The following DRC7 variants were observed in gnomAD, a reference collection of about 807,000 sequenced individuals.
DRC7 encodes the protein coiled-coil domain containing 135.
In DRC7, 80 loss-of-function variants were observed where a neutral mutation model predicts 104.4. The observed-to-expected ratio is 0.77, with a 90% CI of 0.64 to 0.92. The LOEUF (loss-of-function observed/expected upper bound fraction) is 0.92, where lower values mean the gene tolerates loss of function less well. Among genes scored for constraint, DRC7 ranks in the 40% least tolerant of loss-of-function variants. The pLI, the probability that DRC7 is intolerant of heterozygous loss-of-function variation, is 0.00. For missense variants in DRC7, 1,034 were observed against 1,141.1 expected, an observed-to-expected ratio of 0.91 and a Z score of 1.35; for synonymous variants, 405 against 447.3, an observed-to-expected ratio of 0.91 and a Z score of 1.19.
intron 8 of DRC7, among the ~76,000 whole-genome samples, chr16:57,709,900 C>T (rs2048775746): frequency 1.3e-5 from 2 of 152,106 alleles, no homozygotes; most frequent in South Asian, 2.1e-4. Context: ...GTAGCTGGGA[C>T]TACAGACTGC....
At chr16:57,718,961 C>A (rs1381392764) in intron 9 of DRC7, among the ~76,000 whole-genome samples, 1 of 151,862 alleles carries the variant, frequency 6.6e-6, no homozygotes, top group Non-Finnish European at 1.5e-5. Context: ...TGCATTCCAG[C>A]CTGCGCAACC....
chr16:57,718,313 G>A (rs778718750), intron 8 of DRC7, 34 bp from the exon 9 acceptor site: 1 of 1,609,544 alleles, frequency 6.2e-7, no homozygotes, highest in Non-Finnish European at 8.5e-7. Flanking sequence ...GTGGCTGTGG[G>A]GTACACTCAG....
At position 57,731,538 on chromosome 16, in the gene DRC7, C is replaced by A; in HGVS notation, c.*280C>A. ...TAGCCTGGGACCACCCCCTTCCTCC[C>A]CTTGGCCTGTCGTTTGCTTCCTGTC... On this transcript the variant is annotated 3_prime_UTR_variant, in exon 19 of 19. Transcript: ENST00000360716. The A allele has an allele frequency of 2.1e-6, 1 of 479,124 alleles. No individual in the cohort carries two copies. The highest frequency in any genetic ancestry group is 3.8e-6 in the Non-Finnish European group (1 of 265,686). The allele number at this position is 479,124 out of a possible 1,614,324, so 29.7% of individuals were successfully genotyped here.
At chr16:57,728,089 C>T (rs566121578) in intron 16 of DRC7, among the ~76,000 whole-genome samples, 1 of 152,350 alleles carries the variant, frequency 6.6e-6, no homozygotes, top group African/African-American at 2.4e-5. Context: ...TATGGATTGT[C>T]AGGCATCAGG....
chr16:57,702,570 G>A (rs1385978135), intron 6 of DRC7, among the ~76,000 whole-genome samples: 2 of 152,172 alleles, frequency 1.3e-5, no homozygotes, highest in African/African-American at 2.4e-5. Context: ...AGTCCAAGGC[G>A]AGCAAATCAC....
intron 8 of DRC7, among the ~76,000 whole-genome samples, chr16:57,712,507 G>A (rs1292634080): frequency 6.6e-6 from 1 of 152,118 alleles, no homozygotes; most frequent in African/African-American, 2.4e-5. Flanking sequence ...CAATAAACCA[G>A]TTTTTGGTTT....
chr16:57,713,255 T>C (rs1418000121), intron 8 of DRC7, among the ~76,000 whole-genome samples: 2 of 152,216 alleles, frequency 1.3e-5, no homozygotes, highest in East Asian at 3.8e-4. Flanking sequence ...CTCAAGTTGA[T>C]TGGTAGTGTT....
intron 8 of DRC7, among the ~76,000 whole-genome samples, chr16:57,717,266 ACT>A (rs1320314727): frequency 1.6e-5 from 2 of 128,934 alleles, no homozygotes; most frequent in Non-Finnish European, 3.2e-5. Flanking sequence ...ACAGGGTCTT[ACT>A]CTGTCTCCCA....
intron 17 of DRC7, among the ~76,000 whole-genome samples, chr16:57,729,578 A>G (rs1368384607): frequency 3.7e-5 from 2 of 54,496 alleles, no homozygotes; most frequent in Non-Finnish European, 3.0e-5. Context: ...GGGTGGATGG[A>G]TGAGTGGGTG....
chr16:57,721,899 C>G (rs552432003), intron 10 of DRC7, among the ~76,000 whole-genome samples, 160 bp downstream of exon 10: 38 of 152,144 alleles, frequency 2.5e-4, no homozygotes, highest in African/African-American at 8.9e-4. Context: ...TCCCTCCCCC[C>G]TTCCTGCCAC....
intron 5 of DRC7, 26 bp downstream of exon 5, chr16:57,700,296 C>A: frequency 6.2e-7 from 1 of 1,603,078 alleles, no homozygotes; most frequent in Non-Finnish European, 8.5e-7. Flanking sequence ...AGGCTGCATG[C>A]CTGAGCCCAC....
rs781003566 is a variant in DRC7, at chr16:57,721,679, G to A, written c.1219G>A (p.Glu407Lys). The change falls in exon 10 of 19, where the codon GAG becomes AAG. Residue 407 changes from glutamate (E) to lysine (K), a missense_variant. Coordinates refer to ENST00000360716, the MANE Select transcript of DRC7 (RefSeq NM_001289162.2). The stretch of plus-strand genomic sequence containing the variant: ...TCTCTCCCATCAGGGCAAGGAGGAT[G>A]AGGATAAGAGCTTCGACATGCCCCA... ...DDVENLGKED[E>K]DKSFDMPHSW... 13 of 1,613,712 alleles carry A rather than the reference G, an allele frequency of 8.1e-6. No individual in the cohort carries two copies. Among genetic ancestry groups the A allele is most frequent in the Non-Finnish European group, 6.8e-6 (8 of 1,179,840 alleles).
intron 4 of DRC7, 155 bp downstream of exon 4, chr16:57,699,179 C>T (rs780924738): frequency 3.2e-5 from 28 of 880,692 alleles, no homozygotes; most frequent in Non-Finnish European, 3.8e-5. Context: ...TAAAGTCGAA[C>T]GCCAGCAGGC....
intron 17 of DRC7, among the ~76,000 whole-genome samples, chr16:57,730,128 AGTGG>A (rs1252412176): frequency 4.0e-4 from 13 of 32,348 alleles, no homozygotes; most frequent in Non-Finnish European, 5.8e-4. Flanking sequence ...TGGATGGATG[AGTGG>A]GTGGGTGGGT....
intron 17 of DRC7, 151 bp from the exon 18 acceptor site, chr16:57,730,780 C>G: frequency 1.3e-6 from 1 of 776,502 alleles, no homozygotes; most frequent in Non-Finnish European, 2.1e-6. Context: ...GCCCCTGCCT[C>G]TGTGGCAGGT....
At chr16:57,700,060 C>A in intron 4 of DRC7, 85 bp from the exon 5 acceptor site, 1 of 1,493,440 alleles carries the variant, frequency 6.7e-7, no homozygotes, top group South Asian at 1.3e-5. Flanking sequence ...TCTAGGGTCC[C>A]CCTGTGGATT....
intron 4 of DRC7, 31 bp from the exon 5 acceptor site, chr16:57,700,114 G>T: frequency 6.2e-7 from 1 of 1,608,056 alleles, no homozygotes; most frequent in South Asian, 1.1e-5. Context: ...TTATTGCCTT[G>T]ACCCCACTGG....
At chr16:57,715,838 C>T (rs2048837108) in intron 8 of DRC7, among the ~76,000 whole-genome samples, 1 of 152,186 alleles carries the variant, frequency 6.6e-6, no homozygotes, top group African/African-American at 2.4e-5. Flanking sequence ...CTCTTCCAGC[C>T]TGAATGTCCT....
chr16:57,704,808 C>T (rs934013673), intron 6 of DRC7, 68 bp from the exon 7 acceptor site: 16 of 1,571,966 alleles, frequency 1.0e-5, no homozygotes, highest in Non-Finnish European at 1.4e-5. Flanking sequence ...CGGGTCTCAC[C>T]TCTTGGAGTT....
Sources: allele counts gnomAD v4.1 joint callset (sites outside exome capture counted in the v4.1 genomes callset), GRCh38; gene constraint gnomAD v4.1.1; transcripts MANE v1.5; gene names NCBI Gene and HGNC (gene_info 2026-07-23, HGNC 2026-07-21).